The following LRRIQ3 variants were observed in gnomAD, a reference collection of about 807,000 sequenced individuals.
LRRIQ3 encodes the protein leucine rich repeats and IQ motif containing 3, also known as leucine-rich repeat and IQ domain-containing protein 3.
LRRIQ3 carries 75 observed loss-of-function variants against 59.3 expected under a neutral mutation model. The ratio of observed to expected loss-of-function variants is 1.26; its 90% CI spans 1.05 to 1.53. LRRIQ3 has a LOEUF of 1.53. Ranked by LOEUF, LRRIQ3 falls within the 40% of genes most tolerant of loss-of-function variation. The pLI is 0.00. For missense variants in LRRIQ3, 831 were observed against 710.0 expected (o/e 1.17, Z -1.94); for synonymous variants, 250 against 231.3 (o/e 1.08, Z -0.73).
chr1:74,133,286 T>C (rs774536565), intron 4 of LRRIQ3, among the ~76,000 whole-genome samples: 1 of 152,168 alleles, frequency 6.6e-6, no homozygotes, highest in Non-Finnish European at 1.5e-5. Flanking sequence ...AGTTCAACCA[T>C]TGTGGAAGAC....
chr1:74,121,207 A>G (rs1646850517), intron 4 of LRRIQ3, among the ~76,000 whole-genome samples: 1 of 152,176 alleles, frequency 6.6e-6, no homozygotes, highest in African/African-American at 2.4e-5. Context: ...TTATTGGTCT[A>G]CAGAGATATT....
chr1:74,071,853 G>A (rs948818059), intron 6 of LRRIQ3, among the ~76,000 whole-genome samples: 1 of 151,972 alleles, frequency 6.6e-6, no homozygotes, highest in East Asian at 1.9e-4. Flanking sequence ...AAATAGCATG[G>A]GTCCCTTTCA....
intron 5 of LRRIQ3, among the ~76,000 whole-genome samples, chr1:74,081,008 A>G (rs567740116): frequency 4.6e-5 from 7 of 151,636 alleles, no homozygotes; most frequent in Non-Finnish European, 1.0e-4. Flanking sequence ...AATAGTTACT[A>G]AAAAGTAACT....
rs532341461 is a variant in LRRIQ3 at position 74,041,216 on chromosome 1, A to C, written c.1715T>G (p.Val572Gly). Residue 572 changes from valine (V) to glycine (G), a missense_variant, in exon 7 of 8, where the codon GTT becomes GGT. Transcript: ENST00000354431. ...GTTATATCTAAATTGTACCTACCTA[A>C]CTTTTTTCATTTCTTTAAGTAAATT... ...RKNLLKEMKK[V>G]RSQEIYKRHC... 6.4e-7 allele frequency: 1 copy of C among 1,568,640 alleles called. No homozygotes were observed. The highest frequency in any genetic ancestry group is 8.6e-7 in the Non-Finnish European group (1 of 1,157,676).
chr1:74,120,721 A>G (rs1047274741), intron 4 of LRRIQ3, among the ~76,000 whole-genome samples: 1 of 152,020 alleles, frequency 6.6e-6, no homozygotes, highest in Non-Finnish European at 1.5e-5. Flanking sequence ...TTTTAAAATA[A>G]ATGATAATAT....
Position 74,041,865 on chromosome 1 carries a change from G to C in LRRIQ3, c.1066C>G (p.Leu356Val). The C allele has an allele frequency of 6.2e-7, 1 of 1,610,944 alleles. No homozygotes were observed. The highest frequency in any genetic ancestry group is 8.5e-7 in the Non-Finnish European group (1 of 1,178,610). Residue 356 changes from leucine to valine, a missense_variant, in exon 7 of 8, where the codon CTA becomes GTA. Physicochemically the swap from Leu to Val is conservative, Grantham distance 32. Transcript: ENST00000354431. ...DTSFRISVFK[L>V]PIYTSGSLKN... ...AATGAACCTGAAGTGTATATGGGTAGTTTGAAAACTGATATCCTAAAACTG... is the reference window on the plus strand; with the variant it reads ...AATGAACCTGAAGTGTATATGGGTACTTTGAAAACTGATATCCTAAAACTG...
At chr1:74,076,400 C>T (rs1034858697) in intron 5 of LRRIQ3, among the ~76,000 whole-genome samples, 2 of 152,056 alleles carry the variant, frequency 1.3e-5, no homozygotes, top group African/African-American at 4.8e-5. Context: ...TTCACATGGA[C>T]ATCTCATACT....
chr1:74,155,409 T>C (rs969424990), intron 4 of LRRIQ3, among the ~76,000 whole-genome samples: 1 of 152,184 alleles, frequency 6.6e-6, no homozygotes, highest in Admixed American at 6.5e-5. Flanking sequence ...ACAGCAAAAT[T>C]GTATTCGCAT....
intron 4 of LRRIQ3, among the ~76,000 whole-genome samples, chr1:74,137,772 G>A (rs745824775): frequency 6.6e-6 from 1 of 151,980 alleles, no homozygotes; most frequent in Non-Finnish European, 1.5e-5. Flanking sequence ...CATAAAAAAG[G>A]ATGAGTTCAT....
chr1:74,127,119 C>T (rs190355101), intron 4 of LRRIQ3, among the ~76,000 whole-genome samples: 7 of 151,870 alleles, frequency 4.6e-5, no homozygotes, highest in South Asian at 2.1e-4. Context: ...TCTTTGCCTC[C>T]GTTTATAGTT....
intron 4 of LRRIQ3, among the ~76,000 whole-genome samples, chr1:74,134,166 A>G (rs1036996337): frequency 1.3e-5 from 2 of 152,184 alleles, no homozygotes; most frequent in East Asian, 1.9e-4. Flanking sequence ...TCCTCTTTCC[A>G]AAGAGTAATT....
At chr1:74,057,443 T>C (rs1189616763) in intron 6 of LRRIQ3, among the ~76,000 whole-genome samples, 1 of 152,106 alleles carries the variant, frequency 6.6e-6, no homozygotes, top group Non-Finnish European at 1.5e-5. Flanking sequence ...AATAAATTCA[T>C]ACATTCACAG....
intron 4 of LRRIQ3, among the ~76,000 whole-genome samples, chr1:74,139,508 A>G (rs955229858): frequency 1.2e-4 from 18 of 151,944 alleles, no homozygotes; most frequent in Non-Finnish European, 2.4e-4. Flanking sequence ...CCCTACATCT[A>G]TATTTTATTC....
intron 4 of LRRIQ3, among the ~76,000 whole-genome samples, chr1:74,141,982 TACACACACAC>T (rs66546682): frequency 0.021 from 3,201 of 150,484 alleles, 110 homozygotes; most frequent in African/African-American, 0.074. Context: ...ATTCCATTTA[TACACACACAC>T]ACACACACAC....
intron 3 of LRRIQ3, among the ~76,000 whole-genome samples, chr1:74,179,391 G>T (rs893512623): frequency 2.0e-5 from 3 of 151,754 alleles, no homozygotes; most frequent in African/African-American, 7.3e-5. Context: ...TACACTATTA[G>T]ATTTGTCTCT....
intron 5 of LRRIQ3, among the ~76,000 whole-genome samples, chr1:74,094,736 A>G (rs1477607780): frequency 6.6e-6 from 1 of 152,070 alleles, no homozygotes; most frequent in Non-Finnish European, 1.5e-5. Context: ...AGAGAGGAAG[A>G]GAGATATGAT....
Position 74,183,537 on chromosome 1 carries a change from T to C in LRRIQ3, c.148A>G (p.Ile50Val), listed in dbSNP as rs745682972. The C allele has an allele frequency of 1.7e-5, 28 of 1,612,178 alleles. No homozygotes were observed. The South Asian group carries it at 2.1e-4, about 12-fold the overall frequency. ...GAGAAGATGCATACTCTAAGAGAGA[T>C]GCAAGACTGCAAATTTTCCATAGAC... is the stretch of plus-strand genomic sequence containing the variant. The part of the protein sequence containing the change: ...LKSMENLQSC[I>V]SLRVCIFSNN... The change falls in exon 2 of 8, where the codon ATC becomes GTC. Residue 50 changes from isoleucine to valine, a missense_variant. Coordinates refer to ENST00000354431, the MANE Select transcript of LRRIQ3 (RefSeq NM_001105659.2).
chr1:74,179,251 G>A lies in LRRIQ3; in HGVS notation c.573+3287C>T. ...TGTAAAGTTACTTTGATTTCGTATAGCAAAGAAGAACCCATGCTTCCTCGT... is the reference window on the plus strand; with the variant it reads ...TGTAAAGTTACTTTGATTTCGTATAACAAAGAAGAACCCATGCTTCCTCGT... On this transcript the variant is annotated intron_variant, in intron 3 of 7. Transcript: ENST00000354431. 1.3e-5 allele frequency among the ~76,000 whole-genome samples: 2 copies of A among 151,894 alleles called. 1 individual carries two copies.
At chr1:74,183,866 A>T (rs1320094511) in intron 1 of LRRIQ3, among the ~76,000 whole-genome samples, 182 bp from the exon 2 acceptor site, 1 of 152,036 alleles carries the variant, frequency 6.6e-6, no homozygotes, top group African/African-American at 2.4e-5. Context: ...CATTTCAATA[A>T]CAGCCAATCA....
Sources: allele counts gnomAD v4.1 joint callset (sites outside exome capture counted in the v4.1 genomes callset), GRCh38; gene constraint gnomAD v4.1.1; transcripts MANE v1.5; gene names NCBI Gene and HGNC (gene_info 2026-07-23, HGNC 2026-07-21).